DISC1: variants seen among roughly 807,000 people sequenced by gnomAD.
DISC1 encodes disrupted in schizophrenia 1 protein.
Under a neutral mutation model 84.5 loss-of-function variants are expected in DISC1, and 57 were observed. The observed-to-expected ratio is 0.67, with a 90% CI of 0.55 to 0.84. DISC1 has a LOEUF of 0.84. Among genes scored for constraint, DISC1 ranks in the 40% least tolerant of loss-of-function variants. DISC1 has a pLI of 0.00. For synonymous variants in DISC1, 411 were observed against 415.2 expected, an observed-to-expected ratio of 0.99 and a Z score of 0.12; for missense variants, 1,000 against 1,057.8, an observed-to-expected ratio of 0.95 and a Z score of 0.76.
Position 231,924,947 on chromosome 1 carries a change from C to T in DISC1, c.1982-33881C>T, listed in dbSNP as rs374444455. ...CTGGGATTACAGGCGTGAGTCACTG[C>T]GCCCGGCCTTTTTTTTTTTTTTTTT... On this transcript the variant is annotated intron_variant, in intron 9 of 12. Transcript: ENST00000439617. Among the ~76,000 whole-genome samples, 28 of 141,054 alleles carry T rather than the reference C, an allele frequency of 2.0e-4. 1 individual carries two copies. The highest frequency in any genetic ancestry group is 7.0e-4 in the African/African-American group (26 of 37,042). 92.5% of individuals were successfully genotyped at this position (141,054 alleles called of 152,430 possible).
intron 3 of DISC1, among the ~76,000 whole-genome samples, chr1:231,704,107 G>A (rs2124924099): frequency 6.6e-6 from 1 of 152,344 alleles, no homozygotes; most frequent in Non-Finnish European, 1.5e-5. Context: ...CCGATTCAGT[G>A]TGTTGAGAGG....
intron 8 of DISC1, chr1:231,813,266 T>C (rs527729951): frequency 6.6e-6 from 1 of 152,382 alleles, no homozygotes; most frequent in African/African-American, 2.4e-5. Context: ...CTGCCTGATG[T>C]CTCTGGAGGC....
At chr1:231,627,055 G>T in intron 1 of DISC1, 121 bp downstream of exon 1, 2 of 650,372 alleles carry the variant, frequency 3.1e-6, no homozygotes, top group Non-Finnish European at 4.8e-6. Context: ...CCCTTTCGAG[G>T]TGAGGGAAAC....
At chr1:231,950,204 CTGTG>C (rs59801477) in intron 9 of DISC1, among the ~76,000 whole-genome samples, 13,403 of 139,364 alleles carry the variant, frequency 0.096, 835 homozygotes, top group African/African-American at 0.19. Flanking sequence ...AAAAAAAATT[CTGTG>C]TGTGTGTGTG....
chr1:231,810,701 G>C (rs1476776865), intron 8 of DISC1, among the ~76,000 whole-genome samples: 1 of 152,188 alleles, frequency 6.6e-6, no homozygotes, highest in African/African-American at 2.4e-5. Flanking sequence ...CGGCTCACTA[G>C]AAGCGAACAT....
intron 6 of DISC1, among the ~76,000 whole-genome samples, chr1:231,783,057 A>G (rs1000927448): frequency 1.3e-5 from 2 of 152,190 alleles, no homozygotes; most frequent in South Asian, 2.1e-4. Context: ...AAGGGAGGGT[A>G]GTAATTGAAA....
chr1:231,805,290 C>T (rs987514516), intron 8 of DISC1, among the ~76,000 whole-genome samples: 24 of 152,234 alleles, frequency 1.6e-4, no homozygotes, highest in Middle Eastern at 3.4e-3. Flanking sequence ...CATATCAGTC[C>T]GTTCTCACAC....
chr1:231,709,034 A>G (rs766705699), intron 3 of DISC1, among the ~76,000 whole-genome samples: 8 of 152,266 alleles, frequency 5.3e-5, no homozygotes, highest in Non-Finnish European at 1.0e-4. Flanking sequence ...GAGATGGGCT[A>G]TACATTAAGA....
rs78451135 is a variant in DISC1, at chr1:231,757,093, G to A, written c.1268+7017G>A. ...TTTTTGAATGAGTGGTGCTTTTCCT[G>A]TAGAAATAAAATAGTTGTATCAACA... is the stretch of plus-strand genomic sequence containing the variant. On this transcript the variant is annotated intron_variant, in intron 4 of 12. Coordinates refer to ENST00000439617, the MANE Select transcript of DISC1 (RefSeq NM_018662.3). Among the ~76,000 whole-genome samples the A allele has an allele frequency of 7.3e-4, 111 of 152,228 alleles. No homozygotes were observed. In the East Asian group the frequency reaches 0.02, roughly 27 times the overall value.
chr1:231,749,359 T>A (rs899924243), intron 3 of DISC1, among the ~76,000 whole-genome samples: 1 of 152,174 alleles, frequency 6.6e-6, no homozygotes, highest in Non-Finnish European at 1.5e-5. Context: ...ATTCTATATT[T>A]ATACCTTGTG....
At chr1:231,766,992 G>A in intron 4 of DISC1, 148 bp from the exon 5 acceptor site, 2 of 1,031,384 alleles carry the variant, frequency 1.9e-6, no homozygotes, top group East Asian at 4.9e-5. Flanking sequence ...CTTACATTAA[G>A]GAGCTCATCC....
At chr1:231,845,017 A>G (rs1294951425) in intron 9 of DISC1, among the ~76,000 whole-genome samples, 7 of 152,130 alleles carry the variant, frequency 4.6e-5, no homozygotes, top group Admixed American at 3.9e-4. Context: ...GTGCAGACCA[A>G]AGTTTTCTCA....
chr1:231,952,306 C>T (rs1658570932), intron 9 of DISC1, among the ~76,000 whole-genome samples: 1 of 151,992 alleles, frequency 6.6e-6, no homozygotes, highest in Admixed American at 6.6e-5. Flanking sequence ...CAACAACATA[C>T]TGAACGATGC....
At chr1:232,034,429 T>A (rs1259621184) in intron 12 of DISC1, among the ~76,000 whole-genome samples, 1 of 152,242 alleles carries the variant, frequency 6.6e-6, no homozygotes, top group Non-Finnish European at 1.5e-5. Context: ...TCTCCTCAAA[T>A]GCTGGTTTTC....
At chr1:231,886,237 A>G (rs2086670864) in intron 9 of DISC1, among the ~76,000 whole-genome samples, 1 of 152,092 alleles carries the variant, frequency 6.6e-6, no homozygotes. Flanking sequence ...ACACATTGAA[A>G]CCATAGCACT....
At chr1:232,014,688 ATTGGCTT>A (rs1353748075) in intron 11 of DISC1, among the ~76,000 whole-genome samples, 1 of 152,174 alleles carries the variant, frequency 6.6e-6, no homozygotes, top group African/African-American at 2.4e-5. Context: ...GAGCCTGCTG[ATTGGCTT>A]TTCACATGAC....
At chr1:231,748,959 T>C (rs1290515289) in intron 3 of DISC1, among the ~76,000 whole-genome samples, 1 of 152,234 alleles carries the variant, frequency 6.6e-6, no homozygotes. Flanking sequence ...AGATTCTCCT[T>C]TTGCAAGGAC....
chr1:231,912,777 C>G lies in DISC1; in HGVS notation c.1982-46051C>G, dbSNP rs1018506146. 2.8e-5 allele frequency among the ~76,000 whole-genome samples: 4 copies of G among 145,014 alleles called. No individual in the cohort carries two copies. In the South Asian group the frequency reaches 6.5e-4, roughly 23 times the overall value. On this transcript the variant is annotated intron_variant, in intron 9 of 12. Transcript: ENST00000439617. ...TCTTTCTTTCTTTCTTTCTTTCTTT[C>G]TTTCTTTCTTTCTTTCTTTCTTTCT...
At chr1:231,992,849 A>G (rs561163023) in intron 10 of DISC1, among the ~76,000 whole-genome samples, 2 of 152,280 alleles carry the variant, frequency 1.3e-5, no homozygotes, top group Non-Finnish European at 2.9e-5. Flanking sequence ...CATTCAGTTC[A>G]TTAGTTATTG....
Sources: gnomAD v4.1 joint callset for allele counts (sites outside exome capture counted in the v4.1 genomes callset) on GRCh38, gnomAD v4.1.1 for gene constraint, MANE v1.5 for transcripts, NCBI Gene and HGNC (gene_info 2026-07-23, HGNC 2026-07-21) for gene names.